The following RAB27B variants were observed in gnomAD, a reference collection of about 807,000 sequenced individuals.
RAB27B encodes ras-related protein Rab-27B.
In RAB27B, 15 loss-of-function variants were observed where a neutral mutation model predicts 24.6. That is an observed-to-expected ratio of 0.61 (90% confidence interval 0.41 to 0.94). The LOEUF (loss-of-function observed/expected upper bound fraction) is 0.94, where lower values mean the gene tolerates loss of function less well. Ranked by LOEUF, RAB27B falls within the 40% of genes least tolerant of loss-of-function variation. The pLI, the probability that RAB27B is intolerant of heterozygous loss-of-function variation, is 0.00. For missense variants in RAB27B, 261 were observed against 266.8 expected (o/e 0.98, Z 0.15); for synonymous variants, 105 against 92.5 (o/e 1.14, Z -0.78).
chr18:54,734,144 C>T (rs1017480092), intron 2 of RAB27B, among the ~76,000 whole-genome samples: 15 of 152,156 alleles, frequency 9.9e-5, no homozygotes, highest in Non-Finnish European at 2.9e-5. Flanking sequence ...AAATTTTCCT[C>T]ATGAGCTCAT....
intron 2 of RAB27B, among the ~76,000 whole-genome samples, chr18:54,808,007 T>C (rs1568074266): frequency 6.6e-6 from 1 of 152,222 alleles, no homozygotes; most frequent in Non-Finnish European, 1.5e-5. Context: ...TTTGCACTAA[T>C]TATGGTGCTA....
rs185416216 is a variant in RAB27B at position 54,732,774 on chromosome 18, G to A, written c.-20+14633G>A. Among the ~76,000 whole-genome samples, 44 of 152,266 alleles carry A rather than the reference G, an allele frequency of 2.9e-4. No individual in the cohort carries two copies. The East Asian group carries it at 7.3e-3, about 25-fold the overall frequency. ...AAAATAAAAGGTATTGAGGTTTTCT[G>A]TTCCACCAGACAAAAGTTATTTATA... On this transcript the variant is annotated intron_variant, in intron 2 of 4. Transcript: ENST00000586570.
At chr18:54,772,139 T>C (rs760518599) in intron 2 of RAB27B, among the ~76,000 whole-genome samples, 1 of 152,216 alleles carries the variant, frequency 6.6e-6, no homozygotes, top group Non-Finnish European at 1.5e-5. Context: ...TCACCTCTAG[T>C]GACAATATTA....
intron 2 of RAB27B, among the ~76,000 whole-genome samples, chr18:54,809,820 A>G (rs893664288): frequency 6.6e-6 from 1 of 152,210 alleles, no homozygotes; most frequent in Non-Finnish European, 1.5e-5. Context: ...ATTAAGATTA[A>G]TTTCTTGGAA....
upstream of RAB27B, among the ~76,000 whole-genome samples, chr18:54,824,536 C>A (rs1043120879): frequency 6.6e-6 from 1 of 152,170 alleles, no homozygotes; most frequent in Non-Finnish European, 1.5e-5. Context: ...GGGCTTAGAG[C>A]TCTTCGTTGG....
intron 1 of RAB27B, among the ~76,000 whole-genome samples, chr18:54,839,212 C>T (rs1911013088): frequency 6.6e-6 from 1 of 152,080 alleles, no homozygotes; most frequent in South Asian, 2.1e-4. Flanking sequence ...TCAGCAAAAG[C>T]ATACATTCAT....
intron 2 of RAB27B, among the ~76,000 whole-genome samples, chr18:54,780,073 ACCGCGTCTCCGCCCGTC>A (rs1908852860): frequency 9.4e-6 from 1 of 106,672 alleles, no homozygotes; most frequent in African/African-American, 3.9e-5. Flanking sequence ...CTTCTCCCTC[ACCGCGTCTCCGCCCGTC>A]CTGACAGCTT....
chr18:54,828,184 G>A (rs1910537609), upstream of RAB27B: 1 of 152,010 alleles, frequency 6.6e-6, no homozygotes, highest in African/African-American at 2.4e-5. Flanking sequence ...GCAATGTCAG[G>A]GCCCCAGTTC....
chr18:54,767,824 C>T (rs1224134664), intron 2 of RAB27B, among the ~76,000 whole-genome samples: 1 of 152,096 alleles, frequency 6.6e-6, no homozygotes, highest in Non-Finnish European at 1.5e-5. Flanking sequence ...TGTGTGGACT[C>T]AATGAAGTCA....
At chr18:54,854,118 GTTAA>G in intron 1 of RAB27B, among the ~76,000 whole-genome samples, 1 of 152,128 alleles carries the variant, frequency 6.6e-6, no homozygotes, top group East Asian at 1.9e-4. Flanking sequence ...TTTCTTCCAG[GTTAA>G]TTATTTACAT....
chr18:54,814,803 A>G (rs1910071861), intron 2 of RAB27B, among the ~76,000 whole-genome samples: 1 of 152,234 alleles, frequency 6.6e-6, no homozygotes, highest in Admixed American at 6.5e-5. Context: ...TTACTTGAGT[A>G]TATATACTAC....
At chr18:54,728,197 G>A (rs1268022317) in intron 2 of RAB27B, among the ~76,000 whole-genome samples, 1 of 152,098 alleles carries the variant, frequency 6.6e-6, no homozygotes, top group Non-Finnish European at 1.5e-5. Flanking sequence ...ACTTCCTCTG[G>A]CCAGAAGATG....
intron 2 of RAB27B, among the ~76,000 whole-genome samples, chr18:54,787,858 A>G (rs560642887): frequency 1.3e-5 from 2 of 152,282 alleles, no homozygotes; most frequent in East Asian, 3.9e-4. Context: ...TGTGCCATAT[A>G]ATTTACTCAC....
At chr18:54,802,523 A>T (rs2145132336) in intron 2 of RAB27B, among the ~76,000 whole-genome samples, 1 of 152,056 alleles carries the variant, frequency 6.6e-6, no homozygotes, top group South Asian at 2.1e-4. Context: ...CAACTGGGAG[A>T]TTTTCTCTCA....
intron 2 of RAB27B, 76 bp from the exon 3 acceptor site, chr18:54,879,293 T>A (rs1912826139): frequency 9.3e-7 from 1 of 1,073,498 alleles, no homozygotes; most frequent in Admixed American, 1.7e-5. Context: ...GAAAAAAACA[T>A]GCTGAGTGAA....
At chr18:54,791,041 C>T (rs982228884) in intron 2 of RAB27B, among the ~76,000 whole-genome samples, 16 of 152,238 alleles carry the variant, frequency 1.1e-4, no homozygotes, top group Middle Eastern at 3.4e-3. Flanking sequence ...ATTTTGAAAA[C>T]ATCTTGAACA....
rs376838878 is a variant in RAB27B, at chr18:54,845,212, G to A, written c.-20+16512G>A. 1.3e-3 allele frequency among the ~76,000 whole-genome samples: 205 copies of A among 152,052 alleles called. 4 individuals are homozygous for A. The South Asian group carries it at 0.036, about 27-fold the overall frequency. On this transcript the variant is annotated intron_variant, in intron 1 of 5. Transcript: ENST00000262094. ...ATCTGAGGTCAGGAGTTTGGAACCA[G>A]CCTGGCCAACATGGTGAAACCCCGT... is the stretch of plus-strand genomic sequence containing the variant.
chr18:54,748,143 G>T (rs1230643875), intron 2 of RAB27B, among the ~76,000 whole-genome samples: 1 of 152,050 alleles, frequency 6.6e-6, no homozygotes, highest in Non-Finnish European at 1.5e-5. Context: ...GACTTTCTCA[G>T]TGGTTGATCC....
intron 2 of RAB27B, among the ~76,000 whole-genome samples, chr18:54,724,047 AT>A (rs1909449640): frequency 6.6e-6 from 1 of 151,926 alleles, no homozygotes; most frequent in Non-Finnish European, 1.5e-5. Context: ...TTATAAATTC[AT>A]ATTTGGTTTT....
Sources: gnomAD v4.1 joint callset for allele counts (sites outside exome capture counted in the v4.1 genomes callset) on GRCh38, gnomAD v4.1.1 for gene constraint, MANE v1.5 for transcripts, NCBI Gene and HGNC (gene_info 2026-07-23, HGNC 2026-07-21) for gene names.